The following MAP3K14 variants were observed in gnomAD, a reference collection of about 807,000 sequenced individuals.
MAP3K14 encodes the protein NF-kappa-beta-inducing kinase.
A neutral mutation model predicts 99.2 loss-of-function variants in MAP3K14; 16 were observed. That is an observed-to-expected ratio of 0.16 (90% CI 0.11 to 0.24). The LOEUF (loss-of-function observed/expected upper bound fraction) is 0.24. MAP3K14 is among the 10% of genes least tolerant of loss of function. The pLI is 1.00. For synonymous variants in MAP3K14, 462 were observed against 492.4 expected, an observed-to-expected ratio of 0.94 and a Z score of 0.82; for missense variants, 784 against 1,208.7, an observed-to-expected ratio of 0.65 and a Z score of 5.21.
rs769066147 is a variant in MAP3K14, at chr17:45,274,269, G to A, written c.1421-15C>T. 81 of 1,598,052 alleles carry A rather than the reference G, an allele frequency of 5.1e-5. No individual in the cohort carries two copies. Among genetic ancestry groups the A allele is most frequent in the Non-Finnish European group, 4.4e-5 (51 of 1,172,212 alleles). On this transcript the variant is annotated splice_polypyrimidine_tract_variant and intron_variant, in intron 7 of 15. Transcript: ENST00000344686. ...CAGGGAGCCACCTAGGAGACCAAAG[G>A]CCAGGCTATACATGGGACTTGCCCG...
chr17:45,281,846 C>T (rs960598214), intron 6 of MAP3K14: 9 of 151,446 alleles, frequency 5.9e-5, no homozygotes, highest in Non-Finnish European at 1.2e-4. Flanking sequence ...GTTTCACCAT[C>T]TTGGCCAGAG....
At chr17:45,265,039 A>C in intron 15 of MAP3K14, 124 bp downstream of exon 15, 1 of 886,142 alleles carries the variant, frequency 1.1e-6, no homozygotes, top group South Asian at 1.5e-5. Flanking sequence ...GGGACGTTGA[A>C]GGCCAATTCC....
Position 45,284,504 on chromosome 17 carries a change from C to T in MAP3K14, c.1290+308G>A, listed in dbSNP as rs143850067. ...TTTTACCTCAGTGTGAATTTCATGA[C>T]GCTCCAACCATCTTCCACGTTGGGA... On this transcript the variant is annotated intron_variant, in intron 6 of 15. Coordinates refer to ENST00000344686, the MANE Select transcript of MAP3K14 (RefSeq NM_003954.5). Among the ~76,000 whole-genome samples, 10 of 152,326 alleles carry T rather than the reference C, an allele frequency of 6.6e-5. No individual in the cohort carries two copies. The East Asian group carries it at 7.7e-4, about 12-fold the overall frequency.
intron 1 of MAP3K14, among the ~76,000 whole-genome samples, chr17:45,312,899 GTCC>G (rs1333794685): frequency 1.3e-5 from 2 of 152,208 alleles, no homozygotes; most frequent in Admixed American, 1.3e-4. Flanking sequence ...CAAAGAACAA[GTCC>G]TTGCTGATCT....
intron 6 of MAP3K14, among the ~76,000 whole-genome samples, chr17:45,278,898 A>G (rs965486692): frequency 6.6e-6 from 1 of 152,118 alleles, no homozygotes; most frequent in African/African-American, 2.4e-5. Context: ...TCCTAGGCTC[A>G]AGTGATTCTC....
In MAP3K14 at chr17:45,264,475, T is replaced by A; in HGVS notation, c.*161A>T. On this transcript the variant is annotated 3_prime_UTR_variant, in exon 16 of 16. Transcript: ENST00000344686. ...CTCAGGTGTGAAATCCTGGGAGGCA[T>A]TCTGCTTGCCCCCACCTTGCTGCTG... 1 of 841,108 alleles carries A rather than the reference T, an allele frequency of 1.2e-6. No homozygotes were observed. The highest frequency in any genetic ancestry group is 2.8e-5 in the East Asian group (1 of 35,790). The allele number at this position is 841,108 out of a possible 1,614,324, so 52.1% of individuals were successfully genotyped here.
chr17:45,313,222 C>T (rs879413061), intron 1 of MAP3K14, among the ~76,000 whole-genome samples: 2 of 152,102 alleles, frequency 1.3e-5, no homozygotes, highest in Non-Finnish European at 2.9e-5. Flanking sequence ...CATCATCTTA[C>T]AGAAAACAGG....
At chr17:45,314,660 T>C (rs1443675645) in intron 1 of MAP3K14, among the ~76,000 whole-genome samples, 3 of 151,532 alleles carry the variant, frequency 2.0e-5, no homozygotes, top group African/African-American at 7.3e-5. Context: ...AAGCCATTAG[T>C]AGAAGTACGC....
intron 14 of MAP3K14, 145 bp downstream of exon 14, chr17:45,266,392 G>T: frequency 9.4e-7 from 1 of 1,058,380 alleles, no homozygotes. Flanking sequence ...CAACTTACTG[G>T]CCAGGAACCT....
chr17:45,299,650 A>G (rs1372885103), intron 1 of MAP3K14, among the ~76,000 whole-genome samples: 1 of 152,228 alleles, frequency 6.6e-6, no homozygotes, highest in Non-Finnish European at 1.5e-5. Flanking sequence ...AACTGGACTC[A>G]TTGGCCTGCT....
rs1395120878 is a variant in MAP3K14, at chr17:45,264,945, C to T, written c.2680-145G>A. On this transcript the variant is annotated intron_variant, in intron 15 of 15. Transcript: ENST00000344686. ...TCCACGGGACTCAGAGAATCCCACC[C>T]GGCTCAAGTGTAGGTCTGGAGGACC... 27 of 913,214 alleles carry T rather than the reference C, an allele frequency of 3.0e-5. No individual in the cohort carries two copies. In the Admixed American group the frequency reaches 3.5e-4, roughly 12 times the overall value. 56.6% of individuals were successfully genotyped at this position (913,214 alleles called of 1,614,324 possible).
chr17:45,286,675 T>G lies in MAP3K14; in HGVS notation c.908A>C (p.Lys303Thr). 3 of 1,610,550 alleles carry G rather than the reference T, an allele frequency of 1.9e-6. No homozygotes were observed. The highest frequency in any genetic ancestry group is 2.5e-6 in the Non-Finnish European group (3 of 1,178,586). The change falls in exon 5 of 16, where the codon AAA (lysine) becomes ACA (threonine). Residue 303 changes from lysine to threonine, a missense_variant. By Grantham distance (78) the Lys-to-Thr change is moderately conservative (BLOSUM62 -1). Coordinates refer to ENST00000344686, the MANE Select transcript of MAP3K14 (RefSeq NM_003954.5). The surrounding 1 kb of genome is among the most constrained non-coding windows in gnomAD (Gnocchi z 4.1). ...QKPLPDPHLS[K>T]LACVDSPKPL... is the part of the protein sequence containing the mutation. The stretch of plus-strand genomic sequence containing the variant: ...CTTTGGACTGTCTACACAGGCCAGT[T>G]TGCTCAGGTGTGGGTCAGGCAAGGG...
chr17:45,264,895 C>G, intron 15 of MAP3K14, 95 bp from the exon 16 acceptor site: 1 of 1,308,932 alleles, frequency 7.6e-7, no homozygotes, highest in East Asian at 2.5e-5. Flanking sequence ...GACCGGCAGC[C>G]CTAAGGGCAC....
At chr17:45,283,184 A>G (rs2044237037) in intron 6 of MAP3K14, among the ~76,000 whole-genome samples, 1 of 152,208 alleles carries the variant, frequency 6.6e-6, no homozygotes, top group Non-Finnish European at 1.5e-5. Flanking sequence ...CTAAGCTCCC[A>G]GCACTGGGTG....
At chr17:45,304,932 C>T (rs55975018) in intron 1 of MAP3K14, among the ~76,000 whole-genome samples, 7 of 152,036 alleles carry the variant, frequency 4.6e-5, no homozygotes, top group Non-Finnish European at 8.8e-5. Flanking sequence ...TACACGGTGA[C>T]TCAATGCAAG....
chr17:45,290,889 C>CAGAGG, intron 1 of MAP3K14, 124 bp from the exon 2 acceptor site: 3 of 831,460 alleles, frequency 3.6e-6, no homozygotes, highest in Non-Finnish European at 5.7e-6. Flanking sequence ...TGTGCCTCTG[C>CAGAGG]CACACATACT....
At position 45,293,796 on chromosome 17, in the gene MAP3K14, A is replaced by G. The variant is rs554962736; in HGVS notation, c.-20-3031T>C. On this transcript the variant is annotated intron_variant, in intron 1 of 15. Transcript: ENST00000344686. ...TTTGGCCTGACAGTGGCTCTCCCCAAACACCACCTCCCACACAGACACACA... is the reference window on the plus strand; with the variant it reads ...TTTGGCCTGACAGTGGCTCTCCCCAGACACCACCTCCCACACAGACACACA... Among the ~76,000 whole-genome samples, 12 of 152,110 alleles carry G rather than the reference A, an allele frequency of 7.9e-5. 1 individual carries two copies. In the East Asian group the frequency reaches 2.3e-3, roughly 29 times the overall value.
In MAP3K14 at chr17:45,273,568, G is replaced by C; in HGVS notation, c.1592C>G (p.Ala531Gly). The change falls in exon 9 of 16, where the codon GCC (alanine) becomes GGC (glycine). Residue 531 changes from alanine to glycine, a missense_variant. Ala to Gly is a moderately conservative substitution (Grantham distance 60). Around this residue, in one of 5 missense-constraint regions of MAP3K14, gnomAD observed 200 missense variants for 367.9 expected, o/e 0.54. Coordinates refer to ENST00000344686, the MANE Select transcript of MAP3K14 (RefSeq NM_003954.5). ...CACAGCATGGCCAAAGTCACAGAGGGCTGCGTGGCTCCCATCGCTGGACAG... is the reference window on the plus strand; with the variant it reads ...CACAGCATGGCCAAAGTCACAGAGGCCTGCGTGGCTCCCATCGCTGGACAG... The part of the protein sequence containing the change: ...VLLSSDGSHA[A>G]LCDFGHAVCL... The C allele has an allele frequency of 2.5e-6, 4 of 1,613,468 alleles. No homozygotes were observed. Among genetic ancestry groups the C allele is most frequent in the Non-Finnish European group, 3.4e-6 (4 of 1,179,734 alleles).
At chr17:45,274,681 A>C in intron 6 of MAP3K14, 88 bp from the exon 7 acceptor site, 1 of 1,473,738 alleles carries the variant, frequency 6.8e-7, no homozygotes, top group Non-Finnish European at 9.1e-7. Context: ...AGTGCTCCAC[A>C]CACAGAGGCT....
Sources: gnomAD v4.1 joint callset for allele counts (sites outside exome capture counted in the v4.1 genomes callset) on GRCh38, gnomAD v4.1.1 for gene constraint, gnomAD v4.1.1 regional missense constraint, Gnocchi (gnomAD v3.1) non-coding constraint, MANE v1.5 for transcripts, NCBI Gene and HGNC (gene_info 2026-07-23, HGNC 2026-07-21) for gene names.